RAB40B: variants seen among roughly 807,000 people sequenced by gnomAD.
RAB40B encodes RAB40B, member RAS oncogene family, also known as ras-related protein Rab-40B.
A neutral mutation model predicts 24.0 loss-of-function variants in RAB40B; 21 were observed. The ratio of observed to expected loss-of-function variants is 0.88; its 90% CI spans 0.62 to 1.26. The LOEUF (loss-of-function observed/expected upper bound fraction) is 1.26, where lower values mean the gene tolerates loss of function less well. RAB40B is among the 50% of genes most tolerant of loss of function. The probability of loss-of-function intolerance (pLI) is 0.00; values close to 1 mark genes in which losing one functional copy is unlikely to be tolerated. For synonymous variants in RAB40B, 167 were observed against 169.8 expected (o/e 0.98, Z 0.13); for missense variants, 348 against 390.5 (o/e 0.89, Z 0.92).
chr17:82,672,267 C>T (rs62079750), intron 1 of RAB40B, among the ~76,000 whole-genome samples: 186 of 95,298 alleles, frequency 2.0e-3, no homozygotes, highest in East Asian at 3.0e-3. Context: ...CTGACACACC[C>T]CACCCCGTAA....
rs1413664210 is a variant in RAB40B, at chr17:82,692,578, C to T, written c.142+5877G>A. On this transcript the variant is annotated intron_variant, in intron 1 of 5. Coordinates refer to ENST00000571995, the MANE Select transcript of RAB40B (RefSeq NM_006822.3). The surrounding 1 kb of genome is among the most constrained non-coding windows in gnomAD (Gnocchi z 4.0). ...GGCTCTCAGCTGGGACAACGGTGGC[C>T]GTGCGATGCGGGGTGGGGGTGGGGG... Among the ~76,000 whole-genome samples the T allele has an allele frequency of 1.4e-5, 2 of 145,778 alleles. No homozygotes were observed. The highest frequency in any genetic ancestry group is 1.4e-4 in the Admixed American group (2 of 14,576).
chr17:82,678,740 G>C (rs920658052), intron 1 of RAB40B, among the ~76,000 whole-genome samples: 8 of 152,200 alleles, frequency 5.3e-5, no homozygotes, highest in African/African-American at 1.9e-4. Context: ...ATGGCCACTG[G>C]ACAGCACAGG....
At chr17:82,676,954 A>ATTTT (rs1447015228) in intron 1 of RAB40B, among the ~76,000 whole-genome samples, 1 of 139,876 alleles carries the variant, frequency 7.1e-6, no homozygotes, top group Non-Finnish European at 1.6e-5. Flanking sequence ...TTATTTATTT[A>ATTTT]TTTATTTTTT....
At chr17:82,665,894 A>C (rs1430168532) in intron 1 of RAB40B, among the ~76,000 whole-genome samples, 75 of 150,606 alleles carry the variant, frequency 5.0e-4, no homozygotes, top group Middle Eastern at 3.4e-3. Context: ...CAACAACAAA[A>C]AAAAAAAAAA....
chr17:82,663,909 C>T lies in RAB40B; in HGVS notation c.203+587G>A, dbSNP rs1309670718. Among the ~76,000 whole-genome samples the T allele has an allele frequency of 2.0e-5, 3 of 152,144 alleles. No homozygotes were observed. The highest frequency in any genetic ancestry group is 4.4e-5 in the Non-Finnish European group (3 of 68,018). On this transcript the variant is annotated intron_variant, in intron 2 of 5. Coordinates refer to ENST00000571995, the MANE Select transcript of RAB40B (RefSeq NM_006822.3). The surrounding 1 kb of genome is among the most constrained non-coding windows in gnomAD (Gnocchi z 6.2). ...CTCTGGATGACGGGGGCCCAGACAA[C>T]CGGACCACCACCTCCTTCAGAGAAG...
rs1264606010 is a variant in RAB40B at position 82,675,242 on chromosome 17, C to T, written c.143-10686G>A. ...TCAGTGATAATGATTTCATTATTCA[C>T]CATCATGACCAAAACTGGACTCAGT... is the stretch of plus-strand genomic sequence containing the variant. On this transcript the variant is annotated intron_variant, in intron 1 of 5. Transcript: ENST00000571995. This position sits in a 1 kb window ranked among gnomAD's most constrained non-coding sequence, Gnocchi z 4.5. Among the ~76,000 whole-genome samples the T allele has an allele frequency of 1.3e-5, 2 of 152,210 alleles. No individual in the cohort carries two copies. Among genetic ancestry groups the T allele is most frequent in the Non-Finnish European group, 2.9e-5 (2 of 68,034 alleles).
intron 1 of RAB40B, among the ~76,000 whole-genome samples, chr17:82,670,252 C>G (rs12949425): frequency 0.2 from 28,398 of 144,552 alleles, 3,123 homozygotes; most frequent in Middle Eastern, 0.34. Context: ...GTGACGTGAT[C>G]TCGCTCACTG....
chr17:82,687,374 C>T (rs1029036762), intron 1 of RAB40B, among the ~76,000 whole-genome samples: 1 of 152,076 alleles, frequency 6.6e-6, no homozygotes, highest in Non-Finnish European at 1.5e-5. Flanking sequence ...CCTCTGTAAA[C>T]TTGTTTTTGC....
At chr17:82,694,416 C>G (rs2046588016) in intron 1 of RAB40B, among the ~76,000 whole-genome samples, 2 of 151,510 alleles carry the variant, frequency 1.3e-5, no homozygotes, top group South Asian at 4.1e-4. Flanking sequence ...CCTGTAATCC[C>G]AGCTACCTGG....
Position 82,660,989 on chromosome 17 carries a change from G to C in RAB40B, c.262C>G (p.Gln88Glu), listed in dbSNP as rs769882409. 6.2e-7 allele frequency: 1 copy of C among 1,613,972 alleles called. No homozygotes were observed. Among genetic ancestry groups the C allele is most frequent in the East Asian group, 2.2e-5 (1 of 44,884 alleles). The change falls in exon 3 of 6, where the codon CAG becomes GAG. Residue 88 changes from glutamine to glutamate, a missense_variant and splice_region_variant. Physicochemically the swap from Gln to Glu is conservative, Grantham distance 29. Around this residue, in one of 3 missense-constraint regions of RAB40B, gnomAD observed 126 missense variants for 181.0 expected, o/e 0.70. Transcript: ENST00000571995. The part of the protein sequence containing the change: ...TIFRSYSRGA[Q>E]GVILVYDIAN... ...CAGCTCGGGGGATGCTGTGTTACCT[G>C]TGCGCCCCGGGAGTAGGAGCGGAAT...
intron 1 of RAB40B, among the ~76,000 whole-genome samples, chr17:82,688,048 G>A (rs1218434411): frequency 6.6e-6 from 1 of 151,948 alleles, no homozygotes; most frequent in Non-Finnish European, 1.5e-5. Context: ...CTCCAGCCTG[G>A]GCAATAAGCC....
In RAB40B at chr17:82,655,924, C is replaced by T. The variant is rs1189725928; in HGVS notation, c.*1939G>A. 6.6e-6 allele frequency: 1 copy of T among 151,906 alleles called. No homozygotes were observed. Among genetic ancestry groups the T allele is most frequent in the Non-Finnish European group, 1.5e-5 (1 of 68,096 alleles). 9.4% of individuals were successfully genotyped at this position (151,906 alleles called of 1,614,324 possible). ...CACCATCTCTGAATACAGGCTTTGC[C>T]CCTGATTCTAGGGTCCCTTAAATTT... On this transcript the variant is annotated 3_prime_UTR_variant, in exon 6 of 6. Coordinates refer to ENST00000571995, the MANE Select transcript of RAB40B (RefSeq NM_006822.3).
intron 1 of RAB40B, among the ~76,000 whole-genome samples, chr17:82,680,677 TG>T (rs2046440286): frequency 1.3e-5 from 2 of 152,310 alleles, no homozygotes; most frequent in South Asian, 4.1e-4. Context: ...ATACCTATAA[TG>T]ATATATGTAA....
chr17:82,687,947 C>T (rs1376607371), intron 1 of RAB40B, among the ~76,000 whole-genome samples: 1 of 152,124 alleles, frequency 6.6e-6, no homozygotes, highest in Non-Finnish European at 1.5e-5. Flanking sequence ...TGGCATGCAC[C>T]TATAGTCCCA....
chr17:82,689,304 G>T (rs541269674), intron 1 of RAB40B, among the ~76,000 whole-genome samples: 1 of 152,374 alleles, frequency 6.6e-6, no homozygotes, highest in Non-Finnish European at 1.5e-5. Flanking sequence ...CTGCACCACG[G>T]TGGTGCCTGG....
chr17:82,678,435 A>C (rs1423490241), intron 1 of RAB40B, among the ~76,000 whole-genome samples: 1 of 152,222 alleles, frequency 6.6e-6, no homozygotes, highest in African/African-American at 2.4e-5. Context: ...CAAGAACAAA[A>C]AAGGGAGAAG....
At chr17:82,683,968 C>G (rs1214177558) in intron 1 of RAB40B, among the ~76,000 whole-genome samples, 5 of 152,136 alleles carry the variant, frequency 3.3e-5, no homozygotes, top group Non-Finnish European at 1.5e-5. Context: ...CGCCTGTAAT[C>G]CCAGCACTTT....
At position 82,677,105 on chromosome 17, in the gene RAB40B, C is replaced by T. The variant is rs543813469; in HGVS notation, c.143-12549G>A. Among the ~76,000 whole-genome samples, 10 of 151,944 alleles carry T rather than the reference C, an allele frequency of 6.6e-5. 1 individual carries two copies. Among genetic ancestry groups the T allele is most frequent in the East Asian group, 1.9e-4 (1 of 5,144 alleles). ...CTGGGATTACAGGCGCCCGCCACCA[C>T]GCCCAGCTAATTTTTGTATTTTTAG... On this transcript the variant is annotated intron_variant, in intron 1 of 5. Coordinates refer to ENST00000571995, the MANE Select transcript of RAB40B (RefSeq NM_006822.3).
chr17:82,691,415 G>A (rs1409398518), intron 1 of RAB40B, among the ~76,000 whole-genome samples: 2 of 152,140 alleles, frequency 1.3e-5, no homozygotes. Context: ...GCCGGGCGCG[G>A]TGGCTCACGC....
Sources: gnomAD v4.1 joint callset for allele counts (sites outside exome capture counted in the v4.1 genomes callset) on GRCh38, gnomAD v4.1.1 for gene constraint, gnomAD v4.1.1 regional missense constraint, Gnocchi (gnomAD v3.1) non-coding constraint, MANE v1.5 for transcripts, NCBI Gene and HGNC (gene_info 2026-07-23, HGNC 2026-07-21) for gene names.